The following PHACTR4 variants were observed in gnomAD, a reference collection of about 807,000 sequenced individuals.
The protein encoded by PHACTR4 is protein phosphatase 1, regulatory subunit 124.
A neutral mutation model predicts 72.7 loss-of-function variants in PHACTR4; 51 were observed. The ratio of observed to expected loss-of-function variants is 0.70; its 90% CI spans 0.56 to 0.89. PHACTR4 has a LOEUF of 0.89. Among genes scored for constraint, PHACTR4 ranks in the 40% least tolerant of loss-of-function variants. PHACTR4 has a pLI of 0.00. For missense variants in PHACTR4, 731 were observed against 861.8 expected (o/e 0.85, Z 1.90); for synonymous variants, 255 against 302.5 (o/e 0.84, Z 1.63).
intron 1 of PHACTR4, among the ~76,000 whole-genome samples, chr1:28,394,291 AGGAG>A (rs930183114): frequency 2.0e-5 from 3 of 151,048 alleles, no homozygotes; most frequent in Non-Finnish European, 4.4e-5. Context: ...AGGGAAGGAA[AGGAG>A]GGAGGGAGGA....
At chr1:28,418,320 AT>A (rs199592503) in intron 2 of PHACTR4, among the ~76,000 whole-genome samples, 170 of 147,618 alleles carry the variant, frequency 1.2e-3, no homozygotes, top group African/African-American at 2.0e-3. Flanking sequence ...AAAAAAAAAA[AT>A]AATAATAATA....
At chr1:28,413,672 T>C (rs923044075) in intron 2 of PHACTR4, among the ~76,000 whole-genome samples, 2 of 152,198 alleles carry the variant, frequency 1.3e-5, no homozygotes, top group African/African-American at 2.4e-5. Context: ...TTTCTTTTTA[T>C]ACTATCCTTT....
At chr1:28,370,626 C>G (rs1408362633) in intron 1 of PHACTR4, among the ~76,000 whole-genome samples, 1 of 94,220 alleles carries the variant, frequency 1.1e-5, no homozygotes, top group Non-Finnish European at 2.2e-5. Context: ...AAAAAAAACC[C>G]TCCAGTGCTT....
intron 9 of PHACTR4, among the ~76,000 whole-genome samples, chr1:28,483,524 G>A (rs536323887): frequency 1.3e-5 from 2 of 152,152 alleles, no homozygotes; most frequent in East Asian, 3.9e-4. Flanking sequence ...AATCATGGCC[G>A]GACGCGGTGG....
At chr1:28,439,725 T>G (rs1304749685) in intron 2 of PHACTR4, among the ~76,000 whole-genome samples, 1 of 152,234 alleles carries the variant, frequency 6.6e-6, no homozygotes, top group Non-Finnish European at 1.5e-5. Context: ...CCTTCTCTTC[T>G]GCATTCCCTT....
intron 2 of PHACTR4, among the ~76,000 whole-genome samples, chr1:28,431,653 T>C (rs184459572): frequency 6.0e-4 from 92 of 152,330 alleles, no homozygotes; most frequent in Non-Finnish European, 1.1e-3. Flanking sequence ...AACTATACTT[T>C]GTTCAGGAAA....
At chr1:28,410,229 G>T (rs991514189) in intron 2 of PHACTR4, among the ~76,000 whole-genome samples, 2 of 99,482 alleles carry the variant, frequency 2.0e-5, no homozygotes, top group African/African-American at 5.4e-5. Context: ...GCCTCCCAAA[G>T]TGCTGGGATT....
chr1:28,436,912 A>G (rs1015939920), intron 2 of PHACTR4, among the ~76,000 whole-genome samples: 11 of 152,216 alleles, frequency 7.2e-5, no homozygotes, highest in African/African-American at 2.2e-4. Context: ...CCAAGATCAT[A>G]TGGAAATTAT....
At chr1:28,433,207 T>C (rs540526928) in intron 2 of PHACTR4, among the ~76,000 whole-genome samples, 1 of 152,306 alleles carries the variant, frequency 6.6e-6, no homozygotes, top group South Asian at 2.1e-4. Flanking sequence ...CTTACAAAGT[T>C]AAAGTGATTC....
At chr1:28,489,319 G>C in intron 10 of PHACTR4, 94 bp downstream of exon 10, 2 of 1,030,380 alleles carry the variant, frequency 1.9e-6, no homozygotes, top group Non-Finnish European at 2.9e-6. Context: ...TTTGCTACAA[G>C]GGCTAAGGGA....
chr1:28,480,586 T>C lies in PHACTR4; in HGVS notation c.1742T>C (p.Ile581Thr). Residue 581 changes from isoleucine to threonine, a missense_variant, in exon 9 of 14, where the codon ATT becomes ACT. Transcript: ENST00000373839. ...GAGTGGAATGAAATACGGCACCAGA[T>C]TGGAAACACACTGATCCGGTAGGCC... is the stretch of plus-strand genomic sequence containing the variant. Reference protein sequence around the residue: ...KEEWNEIRHQIGNTLIRRLSQ... With the variant: ...KEEWNEIRHQTGNTLIRRLSQ... 1 of 1,614,160 alleles carries C rather than the reference T, an allele frequency of 6.2e-7. No homozygotes were observed. The highest frequency in any genetic ancestry group is 8.5e-7 in the Non-Finnish European group (1 of 1,180,018).
At chr1:28,492,620 C>T (rs1000512150) in intron 12 of PHACTR4, among the ~76,000 whole-genome samples, 20 of 151,530 alleles carry the variant, frequency 1.3e-4, no homozygotes, top group Admixed American at 1.3e-3. Context: ...AATAGCCGGA[C>T]GTGGTAGTGC....
At chr1:28,395,666 G>T in intron 1 of PHACTR4, among the ~76,000 whole-genome samples, 1 of 134,986 alleles carries the variant, frequency 7.4e-6, no homozygotes. Context: ...TTGAGTCAGA[G>T]TCTCACTCTG....
In PHACTR4 at chr1:28,453,984, G is replaced by A. The variant is rs904643606; in HGVS notation, c.17-5101G>A. On this transcript the variant is annotated intron_variant, in intron 2 of 13. Transcript: ENST00000373839. Reference sequence around the variant, plus strand: ...TAATCTTAGCACTTTGGAAGGCCAAGGTGGGAGGATCCCTTGAGCTCAGGG... The same window carrying A: ...TAATCTTAGCACTTTGGAAGGCCAAAGTGGGAGGATCCCTTGAGCTCAGGG... 6.3e-5 allele frequency: 31 copies of A among 494,346 alleles called. No individual in the cohort carries two copies. In the Admixed American group the frequency reaches 7.7e-4, roughly 12 times the overall value. 30.6% of individuals were successfully genotyped at this position (494,346 alleles called of 1,614,324 possible).
chr1:28,459,209 G>C lies in PHACTR4; in HGVS notation c.141G>C (p.Trp47Cys). ...GCTTTGGCAAGATCTTCAAGCCCTG[G>C]AAATGGAGGAAAAAAAAAAGTAGTG... ...FSGFGKIFKP[W>C]KWRKKKSSDK... is the part of the protein sequence containing the mutation. The change falls in exon 3 of 14, where the codon TGG becomes TGC. Residue 47 changes from tryptophan to cysteine, a missense_variant. Physicochemically the swap from Trp to Cys is radical, Grantham distance 215. This residue lies in a region of PHACTR4 where 621 missense variants were observed against 676.6 expected (regional missense o/e 0.92). Coordinates refer to ENST00000373839, the MANE Select transcript of PHACTR4 (RefSeq NM_001048183.3). The C allele has an allele frequency of 6.2e-7, 1 of 1,613,244 alleles. No homozygotes were observed. Among genetic ancestry groups the C allele is most frequent in the Non-Finnish European group, 8.5e-7 (1 of 1,179,798 alleles).
At chr1:28,496,331 C>T (rs1358631398) in intron 13 of PHACTR4, among the ~76,000 whole-genome samples, 1 of 151,992 alleles carries the variant, frequency 6.6e-6, no homozygotes, top group East Asian at 1.9e-4. Flanking sequence ...GCTGGGATTA[C>T]AGGTGTGAAC....
At chr1:28,401,729 G>T (rs1399204652) in intron 1 of PHACTR4, among the ~76,000 whole-genome samples, 1 of 152,052 alleles carries the variant, frequency 6.6e-6, no homozygotes, top group Non-Finnish European at 1.5e-5. Context: ...CCTCAGAGTA[G>T]CTAGGACTAC....
At chr1:28,378,802 C>T (rs944430701) in intron 1 of PHACTR4, among the ~76,000 whole-genome samples, 1 of 151,658 alleles carries the variant, frequency 6.6e-6, no homozygotes, top group Admixed American at 6.6e-5. Flanking sequence ...AAACAGTAAA[C>T]TTTGAAGAGG....
At chr1:28,425,759 CGAATTAGGAAGAGTTGT>C (rs1655798550) in intron 2 of PHACTR4, among the ~76,000 whole-genome samples, 1 of 151,930 alleles carries the variant, frequency 6.6e-6, no homozygotes, top group Non-Finnish European at 1.5e-5. Flanking sequence ...GAGGGCCAGC[CGAATTAGGAAGAGTTGT>C]GAAAGAGAGA....
Sources: gnomAD v4.1 joint callset for allele counts (sites outside exome capture counted in the v4.1 genomes callset) on GRCh38, gnomAD v4.1.1 for gene constraint, gnomAD v4.1.1 regional missense constraint, MANE v1.5 for transcripts, NCBI Gene and HGNC (gene_info 2026-07-23, HGNC 2026-07-21) for gene names.